The following SLC30A8 variants were observed in gnomAD, a reference collection of about 807,000 sequenced individuals.
The protein encoded by SLC30A8 is solute carrier family 30 member 8.
In SLC30A8, 27 loss-of-function variants were observed where a neutral mutation model predicts 36.9. That is an observed-to-expected ratio of 0.73 (90% CI 0.54 to 1.01). SLC30A8 has a LOEUF of 1.01. SLC30A8 is among the 50% of genes least tolerant of loss of function. The pLI is 0.00. For synonymous variants in SLC30A8, 164 were observed against 172.4 expected (o/e 0.95, Z 0.38); for missense variants, 439 against 452.0 (o/e 0.97, Z 0.26).
chr8:117,144,796 C>A (rs777386866), intron 1 of SLC30A8, among the ~76,000 whole-genome samples: 14 of 152,060 alleles, frequency 9.2e-5, no homozygotes, highest in Non-Finnish European at 1.8e-4. Flanking sequence ...AGGAGCAGCC[C>A]TGTGGTTTAG....
At chr8:116,970,240 C>T (rs976503296) in intron 1 of SLC30A8, among the ~76,000 whole-genome samples, 1 of 152,182 alleles carries the variant, frequency 6.6e-6, no homozygotes, top group African/African-American at 2.4e-5. Context: ...TTGTCTTCCA[C>T]TCCCACATCT....
chr8:117,146,579 C>T (rs1467889928), intron 1 of SLC30A8, among the ~76,000 whole-genome samples: 1 of 151,810 alleles, frequency 6.6e-6, no homozygotes, highest in Non-Finnish European at 1.5e-5. Context: ...GTAATGTACC[C>T]TAATTTATTT....
rs114879107 is a variant in SLC30A8, at chr8:117,113,040, T to C, written c.-225-22240T>C. On this transcript the variant is annotated intron_variant, in intron 2 of 10. Coordinates refer to the SLC30A8 transcript ENST00000427715. ...TACTATGTGCCAAGCAGTGAGGATA[T>C]AAAGATGGTAGCCATAGTCACTGCC... 3.5e-3 allele frequency among the ~76,000 whole-genome samples: 527 copies of C among 152,290 alleles called. 8 individuals carry two copies. The highest frequency in any genetic ancestry group is 0.012 in the African/African-American group (503 of 41,574).
chr8:117,023,196 G>C (rs1183779000), intron 1 of SLC30A8, among the ~76,000 whole-genome samples: 2 of 152,192 alleles, frequency 1.3e-5, no homozygotes, highest in Non-Finnish European at 1.5e-5. Flanking sequence ...AGTTAGAATG[G>C]CTATCATTAA....
intron 1 of SLC30A8, among the ~76,000 whole-genome samples, chr8:116,971,485 C>A (rs1487499145): frequency 6.6e-6 from 1 of 152,158 alleles, no homozygotes; most frequent in Non-Finnish European, 1.5e-5. Context: ...AAAATGTAAG[C>A]AGTAAGAATT....
chr8:117,070,940 C>T (rs954078246), intron 2 of SLC30A8, among the ~76,000 whole-genome samples: 4 of 152,112 alleles, frequency 2.6e-5, no homozygotes, highest in Non-Finnish European at 4.4e-5. Context: ...TTTATCATTT[C>T]AGGTGTTGAT....
At chr8:117,040,938 C>A (rs1365215872) in intron 2 of SLC30A8, among the ~76,000 whole-genome samples, 1 of 152,012 alleles carries the variant, frequency 6.6e-6, no homozygotes, top group Non-Finnish European at 1.5e-5. Context: ...GAATCACTGG[C>A]CCATGATGTT....
At chr8:117,161,598 A>AAGAT (rs1454745952) in intron 4 of SLC30A8, 140 bp from the exon 5 acceptor site, 2 of 788,400 alleles carry the variant, frequency 2.5e-6, no homozygotes, top group African/African-American at 3.5e-5. Context: ...ACATTAGTCA[A>AAGAT]AGATAGTTCT....
intron 1 of SLC30A8, among the ~76,000 whole-genome samples, chr8:116,974,011 T>G (rs2130623233): frequency 6.6e-6 from 1 of 152,330 alleles, no homozygotes; most frequent in South Asian, 2.1e-4. Context: ...ACTGGATCCC[T>G]TCCTTACACC....
chr8:117,064,909 A>G (rs954159440), intron 2 of SLC30A8, among the ~76,000 whole-genome samples: 2 of 152,202 alleles, frequency 1.3e-5, no homozygotes, highest in Non-Finnish European at 2.9e-5. Flanking sequence ...GACTAAGTTT[A>G]ATAGATAAAA....
At chr8:116,981,559 A>G (rs1324649963) in intron 1 of SLC30A8, among the ~76,000 whole-genome samples, 2 of 152,110 alleles carry the variant, frequency 1.3e-5, no homozygotes, top group East Asian at 3.9e-4. Context: ...CGATCCTCCC[A>G]TTCCTCCCTC....
At chr8:116,996,269 T>C (rs1815811925) in intron 1 of SLC30A8, among the ~76,000 whole-genome samples, 2 of 152,188 alleles carry the variant, frequency 1.3e-5, no homozygotes, top group African/African-American at 4.8e-5. Context: ...AAACTGAGGC[T>C]CAGAGACTAA....
chr8:117,073,809 G>T (rs974939765), intron 2 of SLC30A8, among the ~76,000 whole-genome samples: 4 of 151,808 alleles, frequency 2.6e-5, no homozygotes, highest in African/African-American at 9.7e-5. Context: ...AAACCCAATG[G>T]CACAGTGGAT....
chr8:117,039,383 A>G (rs576119285), intron 2 of SLC30A8: 2 of 152,146 alleles, frequency 1.3e-5, no homozygotes, highest in African/African-American at 2.4e-5. Flanking sequence ...TTCTAATAAT[A>G]TATCTAATGG....
chr8:117,024,792 G>GT (rs200170506), intron 1 of SLC30A8, among the ~76,000 whole-genome samples: 1,787 of 151,758 alleles, frequency 0.012, 25 homozygotes, highest in African/African-American at 0.034. Flanking sequence ...ATCATTATTT[G>GT]TTTTTTTTAA....
intron 1 of SLC30A8, among the ~76,000 whole-genome samples, chr8:116,976,414 A>G (rs564445450): frequency 2.6e-5 from 4 of 152,282 alleles, no homozygotes; most frequent in South Asian, 4.1e-4. Context: ...ACTGATTGGA[A>G]GAAAATAGGC....
intron 6 of SLC30A8, 67 bp downstream of exon 6, chr8:117,163,597 T>C (rs575865346): frequency 1.7e-6 from 2 of 1,182,784 alleles, no homozygotes; most frequent in African/African-American, 1.5e-5. Context: ...CAAAAGGGAA[T>C]GGCTACAAGG....
At position 117,011,986 on chromosome 8, in the gene SLC30A8, G is replaced by A. The variant is rs1367321897; in HGVS notation, c.-265-27233G>A. ...TACTCTTTGTAACATAATTCATACT[G>A]ATTTCGAGCTCCTTGAGGATAGAAA... On this transcript the variant is annotated intron_variant, in intron 1 of 10. Coordinates refer to the SLC30A8 transcript ENST00000427715. Among the ~76,000 whole-genome samples the A allele has an allele frequency of 2.6e-5, 4 of 152,236 alleles. No individual in the cohort carries two copies. The East Asian group carries it at 7.7e-4, about 29-fold the overall frequency.
At chr8:117,095,205 C>T (rs961560810) in intron 2 of SLC30A8, among the ~76,000 whole-genome samples, 2 of 152,192 alleles carry the variant, frequency 1.3e-5, no homozygotes, top group East Asian at 1.9e-4. Context: ...TGTACCTCTC[C>T]GACTGTAGCC....
Sources: gnomAD v4.1 joint callset for allele counts (sites outside exome capture counted in the v4.1 genomes callset) on GRCh38, gnomAD v4.1.1 for gene constraint, MANE v1.5 for transcripts, NCBI Gene and HGNC (gene_info 2026-07-23, HGNC 2026-07-21) for gene names.